TBC1D21: variants seen among roughly 807,000 people sequenced by gnomAD.
TBC1D21 encodes the protein male germ cell Rab GTPase-activating protein.
Under a neutral mutation model 46.0 loss-of-function variants are expected in TBC1D21, and 38 were observed. That is an observed-to-expected ratio of 0.83 (90% CI 0.64 to 1.08). The LOEUF (loss-of-function observed/expected upper bound fraction) is 1.08. Ranked by LOEUF, TBC1D21 falls within the 50% of genes least tolerant of loss-of-function variation. TBC1D21 has a pLI of 0.00. For missense variants in TBC1D21, 415 were observed against 417.9 expected, an observed-to-expected ratio of 0.99 and a Z score of 0.06; for synonymous variants, 151 against 157.2, an observed-to-expected ratio of 0.96 and a Z score of 0.29.
chr15:73,874,439 T>A (rs376712028), intron 1 of TBC1D21, among the ~76,000 whole-genome samples: 14 of 152,374 alleles, frequency 9.2e-5, no homozygotes, highest in African/African-American at 3.4e-4. Flanking sequence ...GCATTTATTA[T>A]GTACGATGAA....
intron 1 of TBC1D21, among the ~76,000 whole-genome samples, chr15:73,876,407 T>TTG (rs779926692): frequency 6.8e-6 from 1 of 147,348 alleles, no homozygotes; most frequent in Admixed American, 6.8e-5. Context: ...TTTGTTTTTT[T>TTG]TTTTTTGTAT....
At chr15:73,907,156 T>G in the TBC1D21 span, among the ~76,000 whole-genome samples, 7 of 151,768 alleles carry the variant, frequency 4.6e-5, no homozygotes, top group Admixed American at 4.6e-4. Context: ...TCCTCTTTTT[T>G]TCCCCCAGTC....
chr15:73,875,127 T>C (rs1253176592), intron 1 of TBC1D21, among the ~76,000 whole-genome samples: 1 of 151,862 alleles, frequency 6.6e-6, no homozygotes, highest in African/African-American at 2.4e-5. Flanking sequence ...TGAGTCCCTG[T>C]AATCCCAGCT....
At chr15:73,904,902 G>T in the TBC1D21 span, among the ~76,000 whole-genome samples, 1 of 152,228 alleles carries the variant, frequency 6.6e-6, no homozygotes, top group Non-Finnish European at 1.5e-5. Context: ...AGCAAATAGA[G>T]ACAGAGGCAG....
chr15:73,885,805 T>TAC (rs1222395214), intron 6 of TBC1D21, among the ~76,000 whole-genome samples: 3 of 106,994 alleles, frequency 2.8e-5, no homozygotes, highest in African/African-American at 9.6e-5. Context: ...GAATCTCTAC[T>TAC]ACACACACAT....
chr15:73,882,042 C>T (rs988565626), intron 3 of TBC1D21, among the ~76,000 whole-genome samples: 1 of 152,064 alleles, frequency 6.6e-6, no homozygotes, highest in Non-Finnish European at 1.5e-5. Context: ...CATTCTTCCT[C>T]TGAAGCAGCC....
chr15:73,877,557 C>T lies in TBC1D21; in HGVS notation c.60+3788C>T, dbSNP rs1403811602. On this transcript the variant is annotated intron_variant, in intron 1 of 10. Transcript: ENST00000300504. ...AAAAAAAAAAAAAAAAAAAGAAATC[C>T]CTACTCATTTTATGAGGCCAACATT... Among the ~76,000 whole-genome samples the T allele has an allele frequency of 2.9e-4, 36 of 125,370 alleles. 4 individuals carry two copies. Among genetic ancestry groups the T allele is most frequent in the Non-Finnish European group, 9.9e-5 (6 of 60,904 alleles). The allele number at this position is 125,370 out of a possible 152,430, so 82.2% of individuals were successfully genotyped here. A position where few individuals can be genotyped will look rare whatever the true frequency, so the allele number is the denominator to read the frequency against.
In TBC1D21 at chr15:73,887,643, C is replaced by T. The variant is rs779906334; in HGVS notation, c.801C>T (p.Cys267=). The change falls in exon 9 of 11, where the codon TGC becomes TGT. Residue 267 remains cysteine, a synonymous_variant. Coordinates refer to ENST00000300504, the MANE Select transcript of TBC1D21 (RefSeq NM_153356.3). ...LWEVLLTGKP[C]RNFQVLVAYS... is the part of the protein sequence containing the mutation. ...AGGTTCTGCTGACGGGGAAGCCCTG[C>T]AGGAACTTCCAGGTGCTGGTGGCCT... 1 of 1,614,068 alleles carries T rather than the reference C, an allele frequency of 6.2e-7. No homozygotes were observed. Among genetic ancestry groups the T allele is most frequent in the Non-Finnish European group, 8.5e-7 (1 of 1,179,984 alleles).
intron 6 of TBC1D21, 32 bp from the exon 7 acceptor site, chr15:73,886,046 G>A (rs779172698): frequency 2.5e-6 from 4 of 1,600,748 alleles, no homozygotes; most frequent in East Asian, 2.2e-5. Flanking sequence ...AAGCCAAGGG[G>A]GACTCAGTCT....
At chr15:73,885,154 T>G (rs2068222849) in intron 6 of TBC1D21, 51 bp downstream of exon 6, 4 of 1,509,954 alleles carry the variant, frequency 2.6e-6, no homozygotes. Context: ...CCCCCACTAC[T>G]CCCCAAACAA....
the TBC1D21 span, among the ~76,000 whole-genome samples, chr15:73,899,357 C>T: frequency 6.6e-6 from 1 of 152,146 alleles, no homozygotes; most frequent in African/African-American, 2.4e-5. Context: ...CTCTAGAGGA[C>T]AGAAGAAGGT....
intron 1 of TBC1D21, 92 bp downstream of exon 1, chr15:73,873,861 A>C: frequency 7.0e-7 from 1 of 1,432,282 alleles, no homozygotes; most frequent in Non-Finnish European, 9.6e-7. Context: ...AAAAGCTAGA[A>C]CCCTGAGCTA....
intron 8 of TBC1D21, 124 bp downstream of exon 8, chr15:73,886,736 G>A (rs954403078): frequency 6.9e-6 from 6 of 872,196 alleles, no homozygotes; most frequent in South Asian, 5.8e-5. Context: ...TCGGGGTTTT[G>A]TTAGGTCAGC....
Position 73,886,130 on chromosome 15 carries a change from G to C in TBC1D21, c.632G>C (p.Ser211Thr). The C allele has an allele frequency of 1.2e-6, 2 of 1,614,242 alleles. No individual in the cohort carries two copies. Among genetic ancestry groups the C allele is most frequent in the Non-Finnish European group, 8.5e-7 (1 of 1,180,042 alleles). The part of the protein sequence containing the change: ...IGVAKNLDML[S>T]TLITFLDPVF... Reference sequence around the variant, plus strand: ...GTGGCCAAGAACCTAGACATGCTCAGCACCCTGATCACCTTCCTGGACCCC... The same window carrying C: ...GTGGCCAAGAACCTAGACATGCTCACCACCCTGATCACCTTCCTGGACCCC... The change falls in exon 7 of 11, where the codon AGC becomes ACC. Residue 211 changes from serine (S) to threonine (T), a missense_variant. Transcript: ENST00000300504.
the TBC1D21 span, among the ~76,000 whole-genome samples, chr15:73,897,544 G>A: frequency 6.6e-6 from 1 of 152,220 alleles, no homozygotes; most frequent in Non-Finnish European, 1.5e-5. Context: ...CCTCTTTCCT[G>A]TGGAGCCTGC....
chr15:73,896,964 A>G, the TBC1D21 span, among the ~76,000 whole-genome samples: 2 of 152,346 alleles, frequency 1.3e-5, no homozygotes, highest in Admixed American at 6.5e-5. Context: ...CAAGATGTCA[A>G]GAAATAGCCC....
intron 1 of TBC1D21, among the ~76,000 whole-genome samples, chr15:73,876,154 G>A (rs1362396496): frequency 6.9e-6 from 1 of 145,774 alleles, no homozygotes; most frequent in East Asian, 2.0e-4. Context: ...TGGGTGTAGA[G>A]AAATGGAGTT....
At chr15:73,905,041 G>C in the TBC1D21 span, among the ~76,000 whole-genome samples, 3 of 152,236 alleles carry the variant, frequency 2.0e-5, no homozygotes, top group African/African-American at 7.2e-5. Context: ...CGTAGCAGCA[G>C]AGGGGGCCCA....
chr15:73,895,780 T>G, the TBC1D21 span, among the ~76,000 whole-genome samples: 2 of 152,078 alleles, frequency 1.3e-5, no homozygotes, highest in Non-Finnish European at 2.9e-5. Context: ...TGAGGAAGGG[T>G]CAGCTCTCAG....
Sources: allele counts gnomAD v4.1 joint callset (sites outside exome capture counted in the v4.1 genomes callset), GRCh38; gene constraint gnomAD v4.1.1; transcripts MANE v1.5; gene names NCBI Gene and HGNC (gene_info 2026-07-23, HGNC 2026-07-21).